The following DHX15 variants were observed in gnomAD, a reference collection of about 807,000 sequenced individuals.
DHX15 encodes the protein DEAH-box helicase 15.
A neutral mutation model predicts 94.4 loss-of-function variants in DHX15; 11 were observed. The observed-to-expected ratio is 0.12, with a 90% confidence interval of 0.07 to 0.19. DHX15 has a LOEUF of 0.19. DHX15 is among the 10% of genes least tolerant of loss of function. The pLI, the probability that DHX15 is intolerant of heterozygous loss-of-function variation, is 1.00. For missense variants in DHX15, 304 were observed against 988.5 expected (o/e 0.31, Z 9.29); for synonymous variants, 338 against 329.9 (o/e 1.02, Z -0.27).
At chr4:24,528,063 A>C in intron 13 of DHX15, 22 bp from the exon 14 acceptor site, 1 of 1,556,364 alleles carries the variant, frequency 6.4e-7, no homozygotes, top group Non-Finnish European at 8.9e-7. Flanking sequence ...TGGGCAGAAA[A>C]ATTTCCAAAT....
chr4:24,579,805 C>T (rs542784615), intron 1 of DHX15, among the ~76,000 whole-genome samples: 3 of 152,298 alleles, frequency 2.0e-5, no homozygotes, highest in South Asian at 4.2e-4. Flanking sequence ...CTTGCTCTGT[C>T]ACCAGGCTGG....
chr4:24,583,472 T>C (rs1400363822), intron 1 of DHX15, among the ~76,000 whole-genome samples: 1 of 135,628 alleles, frequency 7.4e-6, no homozygotes, highest in Middle Eastern at 3.5e-3. Context: ...AAATAAATGA[T>C]GAAAAAAAAA....
chr4:24,555,490 A>C (rs1357144834), intron 4 of DHX15, among the ~76,000 whole-genome samples: 1 of 152,186 alleles, frequency 6.6e-6, no homozygotes, highest in Non-Finnish European at 1.5e-5. Context: ...TAATTTGTAT[A>C]AACAAAAACA....
chr4:24,577,439 CTTG>C (rs1722297976), intron 1 of DHX15, among the ~76,000 whole-genome samples: 1 of 152,098 alleles, frequency 6.6e-6, no homozygotes, highest in Admixed American at 6.6e-5. Flanking sequence ...TTCCTTCTTG[CTTG>C]TTTACTCTTG....
At chr4:24,572,386 TCAGC>T (rs1366876614) in intron 2 of DHX15, among the ~76,000 whole-genome samples, 3 of 152,212 alleles carry the variant, frequency 2.0e-5, no homozygotes, top group African/African-American at 7.2e-5. Flanking sequence ...TGCACCCGCC[TCAGC>T]CTTCCAAAGT....
At chr4:24,558,728 TAATTTCAAGAAAAATGAAATTTCAA>T in intron 3 of DHX15, among the ~76,000 whole-genome samples, 1 of 152,130 alleles carries the variant, frequency 6.6e-6, no homozygotes, top group Non-Finnish European at 1.5e-5. Flanking sequence ...GTACAATGAA[TAATTTCAAGAAAAATGAAATTTCAA>T]AATTTCAAAG....
At chr4:24,528,583 A>G (rs1249402277) in intron 13 of DHX15, among the ~76,000 whole-genome samples, 1 of 152,198 alleles carries the variant, frequency 6.6e-6, no homozygotes, top group African/African-American at 2.4e-5. Flanking sequence ...AAAGTCCCAA[A>G]TCCGTATAAG....
intron 7 of DHX15, among the ~76,000 whole-genome samples, chr4:24,542,590 ACT>A (rs1225915387): frequency 4.6e-5 from 7 of 152,154 alleles, no homozygotes; most frequent in African/African-American, 1.7e-4. Flanking sequence ...GACAGCAGTA[ACT>A]CTAATAATGT....
At chr4:24,529,508 T>G (rs1577330130) in intron 13 of DHX15, 93 bp downstream of exon 13, 2 of 1,064,248 alleles carry the variant, frequency 1.9e-6, no homozygotes, top group Admixed American at 2.2e-5. Context: ...AAATTCTCAA[T>G]GAGTGAATGC....
At chr4:24,567,723 T>C (rs1027972951) in intron 3 of DHX15, among the ~76,000 whole-genome samples, 4 of 152,098 alleles carry the variant, frequency 2.6e-5, no homozygotes, top group African/African-American at 9.7e-5. Flanking sequence ...AATACAGCAA[T>C]ATATTGTTCC....
In DHX15 at chr4:24,555,002, A is replaced by G. The variant is rs561072509; in HGVS notation, c.862-59T>C. Reference sequence around the variant, plus strand: ...TTCAAGGATTCTTACATGGTCTTACAGTATAGCAATATTTACTATTCTACA... The same window carrying G: ...TTCAAGGATTCTTACATGGTCTTACGGTATAGCAATATTTACTATTCTACA... On this transcript the variant is annotated intron_variant, in intron 4 of 13. Transcript: ENST00000336812. 1.1e-5 allele frequency: 15 copies of G among 1,346,108 alleles called. No individual in the cohort carries two copies. In the African/African-American group the frequency reaches 1.4e-4, roughly 13 times the overall value. 83.4% of individuals were successfully genotyped at this position (1,346,108 alleles called of 1,614,324 possible). A position where few individuals can be genotyped will look rare whatever the true frequency, so the allele number is the denominator to read the frequency against.
intron 13 of DHX15, among the ~76,000 whole-genome samples, chr4:24,528,509 A>C: frequency 6.6e-6 from 1 of 152,204 alleles, no homozygotes; most frequent in Non-Finnish European, 1.5e-5. Context: ...GTTTAGCTAT[A>C]TAATTTTTTT....
intron 3 of DHX15, among the ~76,000 whole-genome samples, chr4:24,563,646 T>C (rs1052654697): frequency 6.6e-6 from 1 of 152,202 alleles, no homozygotes; most frequent in Non-Finnish European, 1.5e-5. Flanking sequence ...CTATTTTCCA[T>C]GTTCAACATG....
chr4:24,573,877 A>G (rs1722178465), intron 2 of DHX15, among the ~76,000 whole-genome samples: 1 of 152,038 alleles, frequency 6.6e-6, no homozygotes, highest in African/African-American at 2.4e-5. Flanking sequence ...GCAATGTGAA[A>G]TGTCTTTATT....
chr4:24,580,015 C>T (rs775796337), intron 1 of DHX15, among the ~76,000 whole-genome samples: 2 of 152,196 alleles, frequency 1.3e-5, no homozygotes, highest in Non-Finnish European at 2.9e-5. Flanking sequence ...CTGACTGCCT[C>T]GGCCTCCCAA....
intron 11 of DHX15, among the ~76,000 whole-genome samples, 175 bp downstream of exon 11, chr4:24,536,876 C>T (rs902522339): frequency 7.2e-5 from 11 of 152,268 alleles, no homozygotes; most frequent in African/African-American, 2.6e-4. Flanking sequence ...ACATAAACAA[C>T]TTTGAAAAAG....
intron 2 of DHX15, among the ~76,000 whole-genome samples, chr4:24,572,909 CTTTT>C (rs987847934): frequency 8.6e-5 from 13 of 151,902 alleles, no homozygotes; most frequent in African/African-American, 2.7e-4. Flanking sequence ...AGGGATCCGG[CTTTT>C]TTGTTTTTTT....
chr4:24,533,662 A>C (rs1454769627), intron 11 of DHX15: 2 of 153,598 alleles, frequency 1.3e-5, no homozygotes, highest in Non-Finnish European at 2.9e-5. Flanking sequence ...TGTATTATCA[A>C]AAGGATATTT....
In DHX15 at chr4:24,527,710, C is replaced by T. The variant is rs1720990784; in HGVS notation, c.*214G>A. On this transcript the variant is annotated 3_prime_UTR_variant, in exon 14 of 14. Transcript: ENST00000336812. ...TTTCAATAAACTGCAAAACATTGATCGACTTTTCCAGTATGAGCTACAGTG... is the reference window on the plus strand; with the variant it reads ...TTTCAATAAACTGCAAAACATTGATTGACTTTTCCAGTATGAGCTACAGTG... 2.1e-6 allele frequency: 1 copy of T among 465,386 alleles called. No individual in the cohort carries two copies. Among genetic ancestry groups the T allele is most frequent in the South Asian group, 4.8e-5 (1 of 20,710 alleles). 28.8% of individuals were successfully genotyped at this position (465,386 alleles called of 1,614,324 possible).
Sources: gnomAD v4.1 joint callset for allele counts (sites outside exome capture counted in the v4.1 genomes callset) on GRCh38, gnomAD v4.1.1 for gene constraint, MANE v1.5 for transcripts, NCBI Gene and HGNC (gene_info 2026-07-23, HGNC 2026-07-21) for gene names.